CHID1: variants seen among roughly 807,000 people sequenced by gnomAD.
The protein encoded by CHID1 is chitinase domain-containing protein 1.
A neutral mutation model predicts 55.4 loss-of-function variants in CHID1; 44 were observed. The ratio of observed to expected loss-of-function variants is 0.79; its 90% CI spans 0.62 to 1.02. The LOEUF (loss-of-function observed/expected upper bound fraction) is 1.02, where lower values mean the gene tolerates loss of function less well. CHID1 is among the 50% of genes least tolerant of loss of function. The pLI, the probability that CHID1 is intolerant of heterozygous loss-of-function variation, is 0.00. For missense variants in CHID1, 491 were observed against 515.3 expected (o/e 0.95, Z 0.46); for synonymous variants, 216 against 212.9 (o/e 1.01, Z -0.13).
chr11:906,661 C>T (rs1852239776), intron 1 of CHID1, among the ~76,000 whole-genome samples: 1 of 152,162 alleles, frequency 6.6e-6, no homozygotes, highest in South Asian at 2.1e-4. Context: ...CAGTTCAGTC[C>T]CACAGAGAAA....
At position 875,651 on chromosome 11, in the gene CHID1, G is replaced by T. The variant is rs777805556; in HGVS notation, c.960-5152C>A. ...GAGGCCGAGGGAGTCAAGTCCTGGG[G>T]TGGCCATGAGGGGCTCGCCACACCA... On this transcript the variant is annotated intron_variant, in intron 10 of 12. Coordinates refer to ENST00000323578, the MANE Select transcript of CHID1 (RefSeq NM_023947.4). This position sits in a 1 kb window ranked among gnomAD's most constrained non-coding sequence, Gnocchi z 4.7. 1.3e-5 allele frequency among the ~76,000 whole-genome samples: 2 copies of T among 152,190 alleles called. No homozygotes were observed. Among genetic ancestry groups the T allele is most frequent in the Non-Finnish European group, 2.9e-5 (2 of 68,036 alleles).
intron 1 of CHID1, chr11:910,502 T>G: frequency 5.5e-6 from 4 of 726,746 alleles, no homozygotes; most frequent in Non-Finnish European, 7.2e-6. Context: ...CCACTCGCGG[T>G]CCCCCCGACA....
chr11:882,081 C>T (rs910281452), intron 10 of CHID1, among the ~76,000 whole-genome samples: 3 of 151,796 alleles, frequency 2.0e-5, no homozygotes, highest in Admixed American at 6.6e-5. Context: ...AATCCCAGCA[C>T]TTTGGGAGGC....
Position 893,409 on chromosome 11 carries a change from C to A in CHID1, c.701+18G>T, listed in dbSNP as rs1278312717. 1 of 1,543,866 alleles carries A rather than the reference C, an allele frequency of 6.5e-7. No homozygotes were observed. The highest frequency in any genetic ancestry group is 2.0e-5 in the Admixed American group (1 of 50,750). On this transcript the variant is annotated intron_variant, in intron 8 of 12. Transcript: ENST00000323578. ...GAGCCCTCCACAGCCACCCCCACAT[C>A]TCAAGAGCGGCACTTACCCGGGGGT... is the stretch of plus-strand genomic sequence containing the variant.
At chr11:878,506 T>TG (rs910720378) in intron 10 of CHID1, among the ~76,000 whole-genome samples, 4 of 151,580 alleles carry the variant, frequency 2.6e-5, no homozygotes, top group African/African-American at 9.7e-5. Flanking sequence ...GAGGATGCGG[T>TG]GAGCCAAGAT....
At chr11:881,261 T>C (rs1274083337) in intron 10 of CHID1, among the ~76,000 whole-genome samples, 1 of 151,838 alleles carries the variant, frequency 6.6e-6, no homozygotes, top group Non-Finnish European at 1.5e-5. Flanking sequence ...CTGGACCACA[T>C]AGTGAGACCC....
At position 893,449 on chromosome 11, in the gene CHID1, T is replaced by C. The variant is rs953434134; in HGVS notation, c.679A>G (p.Ile227Val). ...TACCCGGGGGTGATGGCAGGCGGGA[T>C]GACCAGGAGGGCCAGCAGCCGGGCC... The part of the protein sequence containing the change: ...HQARLLALLV[I>V]PPAITPGTDQ... Residue 227 changes from isoleucine to valine, a missense_variant, in exon 8 of 13, where the codon ATC (isoleucine) becomes GTC (valine). Physicochemically the swap from Ile to Val is conservative, Grantham distance 29 (BLOSUM62 3). Coordinates refer to ENST00000323578, the MANE Select transcript of CHID1 (RefSeq NM_023947.4). 3.8e-5 allele frequency: 59 copies of C among 1,551,208 alleles called. No homozygotes were observed. In the Admixed American group the frequency reaches 1.1e-3, roughly 28 times the overall value.
rs955452190 is a variant in CHID1, at chr11:902,895, T to C, written c.261+67A>G. 179 of 1,497,708 alleles carry C rather than the reference T, an allele frequency of 1.2e-4. No individual in the cohort carries two copies. In the African/African-American group the frequency reaches 2.3e-3, roughly 19 times the overall value. 92.8% of individuals were successfully genotyped at this position (1,497,708 alleles called of 1,614,324 possible). On this transcript the variant is annotated intron_variant, in intron 3 of 12. Transcript: ENST00000323578. ...ATCACTGACTGGCCAGAAGAGGCCA[T>C]CACGGGGCCAGGGCAGCCCACCTGA... is the stretch of plus-strand genomic sequence containing the variant.
intron 8 of CHID1, among the ~76,000 whole-genome samples, chr11:888,926 C>G (rs1422777109): frequency 1.3e-5 from 2 of 152,214 alleles, no homozygotes; most frequent in Non-Finnish European, 2.9e-5. Flanking sequence ...CCGGGGCCCA[C>G]AGCAACGCCA....
In CHID1 at chr11:869,150, G is replaced by A. The variant is rs1644581416; in HGVS notation, c.*708C>T. ...AATGCCTGTCCCGATATGGCCCACG[G>A]GTCCTGCCGTTGCCCCTCACCATGC... is the stretch of plus-strand genomic sequence containing the variant. On this transcript the variant is annotated 3_prime_UTR_variant, in exon 13 of 13. Coordinates refer to ENST00000323578, the MANE Select transcript of CHID1 (RefSeq NM_023947.4). 1 of 152,588 alleles carries A rather than the reference G, an allele frequency of 6.6e-6. No homozygotes were observed. 9.5% of individuals were successfully genotyped at this position (152,588 alleles called of 1,614,324 possible). A position where few individuals can be genotyped will look rare whatever the true frequency, so the allele number is the denominator to read the frequency against.
intron 5 of CHID1, 67 bp downstream of exon 5, chr11:900,869 A>G: frequency 7.3e-7 from 1 of 1,361,048 alleles, no homozygotes. Flanking sequence ...TGGAGACCCC[A>G]GTGCCCACCT....
intron 8 of CHID1, among the ~76,000 whole-genome samples, chr11:893,042 C>T (rs949482671): frequency 6.6e-6 from 1 of 152,246 alleles, no homozygotes; most frequent in Non-Finnish European, 1.5e-5. Context: ...GTGCAGAGGG[C>T]TGGCAGCTTT....
rs749130873 is a variant in CHID1, at chr11:900,024, T to C, written c.526A>G (p.Thr176Ala). The stretch of plus-strand genomic sequence containing the variant: ...CTCACCTTTGCCACCTGGACCACGG[T>C]CTTGCTCAGCTCCTCTATCTCATCC... ...SEDEIEELSK[T>A]VVQVAKNQHF... The change falls in exon 6 of 13, where the codon ACC becomes GCC. Residue 176 changes from threonine to alanine, a missense_variant. Thr to Ala is a moderately conservative substitution (Grantham distance 58). Coordinates refer to ENST00000323578, the MANE Select transcript of CHID1 (RefSeq NM_023947.4). The C allele has an allele frequency of 2.5e-6, 4 of 1,613,828 alleles. No individual in the cohort carries two copies. In the South Asian group the frequency reaches 4.4e-5, roughly 18 times the overall value.
chr11:889,866 C>G (rs1274401182), intron 8 of CHID1, among the ~76,000 whole-genome samples: 1 of 152,240 alleles, frequency 6.6e-6, no homozygotes, highest in African/African-American at 2.4e-5. Flanking sequence ...GCGGCCACAG[C>G]TGTTCCTCCA....
intron 7 of CHID1, among the ~76,000 whole-genome samples, chr11:895,268 C>G (rs559883830): frequency 7.9e-5 from 12 of 152,304 alleles, no homozygotes; most frequent in African/African-American, 2.2e-4. Flanking sequence ...GATGGCCTTC[C>G]TCCAGGGCCA....
At position 902,815 on chromosome 11, in the gene CHID1, T is replaced by C. The variant is rs1589894919; in HGVS notation, c.261+147A>G. On this transcript the variant is annotated intron_variant, in intron 3 of 12. Transcript: ENST00000323578. The stretch of plus-strand genomic sequence containing the variant: ...TCTGACATCTCCAGAATGGCATCTC[T>C]CCCACCGTAGCCTCACAGCAGCAGC... 9 of 734,174 alleles carry C rather than the reference T, an allele frequency of 1.2e-5. No homozygotes were observed. The East Asian group carries it at 2.2e-4, about 18-fold the overall frequency. The allele number at this position is 734,174 out of a possible 1,614,324, so 45.5% of individuals were successfully genotyped here. A position where few individuals can be genotyped will look rare whatever the true frequency, so the allele number is the denominator to read the frequency against.
At chr11:902,855 A>C in intron 3 of CHID1, 107 bp downstream of exon 3, 1 of 1,066,250 alleles carries the variant, frequency 9.4e-7, no homozygotes, top group Non-Finnish European at 1.4e-6. Context: ...CCGGGAGATC[A>C]GAACATAGAC....
chr11:895,604 C>A (rs989577912), intron 7 of CHID1, among the ~76,000 whole-genome samples: 1 of 152,160 alleles, frequency 6.6e-6, no homozygotes, highest in Admixed American at 6.5e-5. Flanking sequence ...ATCCAGAGCT[C>A]AGGAGGGACC....
intron 1 of CHID1, among the ~76,000 whole-genome samples, chr11:906,382 G>A (rs1410379313): frequency 6.6e-6 from 1 of 152,048 alleles, no homozygotes; most frequent in African/African-American, 2.4e-5. Flanking sequence ...GGGATTATAG[G>A]CGCGTGCCAC....
Sources: gnomAD v4.1 joint callset for allele counts (sites outside exome capture counted in the v4.1 genomes callset) on GRCh38, gnomAD v4.1.1 for gene constraint, Gnocchi (gnomAD v3.1) non-coding constraint, MANE v1.5 for transcripts, NCBI Gene and HGNC (gene_info 2026-07-23, HGNC 2026-07-21) for gene names.